Variants in LARS2 observed in about 807,000 individuals in gnomAD.
LARS2 encodes the protein leucine--tRNA ligase, mitochondrial.
Under a neutral mutation model 116.6 loss-of-function variants are expected in LARS2, and 81 were observed. That is an observed-to-expected ratio of 0.69 (90% confidence interval 0.58 to 0.84). LARS2 has a LOEUF of 0.84. LARS2 is among the 40% of genes least tolerant of loss of function. The pLI is 0.00. For missense variants in LARS2, 968 were observed against 1,114.5 expected, an observed-to-expected ratio of 0.87 and a Z score of 1.87; for synonymous variants, 396 against 407.2, an observed-to-expected ratio of 0.97 and a Z score of 0.33.
intron 5 of LARS2, 97 bp downstream of exon 5, chr3:45,417,670 A>C: frequency 1.4e-6 from 1 of 729,526 alleles, no homozygotes; most frequent in Non-Finnish European, 2.4e-6. Flanking sequence ...AGCAAACAAA[A>C]CACTGCAGCG....
At chr3:45,420,451 G>A (rs1698496734) in intron 6 of LARS2, among the ~76,000 whole-genome samples, 1 of 152,126 alleles carries the variant, frequency 6.6e-6, no homozygotes, top group Non-Finnish European at 1.5e-5. Context: ...TCCACAAAAC[G>A]ATTGGGGTTT....
chr3:45,457,221 A>G (rs1328248150), intron 7 of LARS2, among the ~76,000 whole-genome samples: 1 of 152,242 alleles, frequency 6.6e-6, no homozygotes, highest in Non-Finnish European at 1.5e-5. Context: ...ATGGCCAGGA[A>G]GCAGCCAGTG....
Position 45,470,286 on chromosome 3 carries a change from C to T in LARS2, c.751-3957C>T, listed in dbSNP as rs1390297060. On this transcript the variant is annotated intron_variant, in intron 8 of 21. Transcript: ENST00000645846. ...TTTGAAGAGAAAGTCATATTAGCCG[C>T]GTTATATTTAATCCTCTTTTTATCC... Among the ~76,000 whole-genome samples, 6 of 152,112 alleles carry T rather than the reference C, an allele frequency of 3.9e-5. No homozygotes were observed. In the East Asian group the frequency reaches 1.2e-3, roughly 29 times the overall value.
At chr3:45,442,744 C>G (rs1466174516) in intron 6 of LARS2, among the ~76,000 whole-genome samples, 1 of 152,154 alleles carries the variant, frequency 6.6e-6, no homozygotes. Context: ...TGGAGAAGGG[C>G]AACTCACTTA....
At chr3:45,501,685 G>A (rs978316459) in intron 15 of LARS2, among the ~76,000 whole-genome samples, 1 of 152,166 alleles carries the variant, frequency 6.6e-6, no homozygotes, top group African/African-American at 2.4e-5. Flanking sequence ...TCTTTAAAAT[G>A]TGTACCTAAG....
chr3:45,511,708 A>C (rs909348614), intron 15 of LARS2, among the ~76,000 whole-genome samples: 1 of 152,012 alleles, frequency 6.6e-6, no homozygotes, highest in Non-Finnish European at 1.5e-5. Context: ...ACTTGATAAA[A>C]TACAAGACCT....
intron 6 of LARS2, among the ~76,000 whole-genome samples, chr3:45,422,979 T>C (rs1183557330): frequency 1.3e-5 from 2 of 152,228 alleles, no homozygotes; most frequent in Non-Finnish European, 2.9e-5. Flanking sequence ...TCATAACTCG[T>C]ACTTATTTTC....
At position 45,548,402 on chromosome 3, in the gene LARS2, C is replaced by G. The variant is rs780590496; in HGVS notation, c.*872C>G. ...ACCGCAGCCCAGTAGGGATGCAGCA[C>G]GCCCCAGAGGGCTCATGTGGGCCCC... On this transcript the variant is annotated 3_prime_UTR_variant, in exon 22 of 22. Coordinates refer to ENST00000645846, the MANE Select transcript of LARS2 (RefSeq NM_015340.4). 31 of 152,436 alleles carry G rather than the reference C, an allele frequency of 2.0e-4. No homozygotes were observed. The highest frequency in any genetic ancestry group is 3.4e-3 in the Middle Eastern group (1 of 294). The allele number at this position is 152,436 out of a possible 1,614,324, so 9.4% of individuals were successfully genotyped here. A position where few individuals can be genotyped will look rare whatever the true frequency, so the allele number is the denominator to read the frequency against.
intron 20 of LARS2, among the ~76,000 whole-genome samples, chr3:45,529,505 C>T (rs1403041495): frequency 2.7e-5 from 4 of 150,404 alleles, no homozygotes; most frequent in East Asian, 2.0e-4. Context: ...GCTGAGATTG[C>T]GCCATTGCAC....
intron 5 of LARS2, among the ~76,000 whole-genome samples, chr3:45,418,262 G>A (rs746442853): frequency 2.0e-5 from 3 of 152,196 alleles, no homozygotes; most frequent in Admixed American, 6.5e-5. Context: ...GAGACAGAAG[G>A]GCAGTTCCAG....
chr3:45,473,187 C>T (rs145913870), intron 8 of LARS2, among the ~76,000 whole-genome samples: 6 of 152,292 alleles, frequency 3.9e-5, no homozygotes, highest in Admixed American at 3.9e-4. Context: ...TTAAGAGTTG[C>T]AGCCTACACA....
At position 45,517,850 on chromosome 3, in the gene LARS2, A is replaced by G. The variant is rs533122152; in HGVS notation, c.2045-53A>G. On this transcript the variant is annotated intron_variant, in intron 17 of 21. Transcript: ENST00000645846. ...TTCTCTGCTTAGTTATACCAAGTCA[A>G]TCACCCTTATGTTGCACGCTCTCTC... 14 of 1,447,772 alleles carry G rather than the reference A, an allele frequency of 9.7e-6. No individual in the cohort carries two copies. In the African/African-American group the frequency reaches 1.4e-4, roughly 15 times the overall value. The allele number at this position is 1,447,772 out of a possible 1,614,324, so 89.7% of individuals were successfully genotyped here.
At chr3:45,507,159 T>C (rs376068763) in intron 15 of LARS2, among the ~76,000 whole-genome samples, 1 of 151,936 alleles carries the variant, frequency 6.6e-6, no homozygotes, top group African/African-American at 2.4e-5. Flanking sequence ...CACTTTGGGA[T>C]TGCAAGACAG....
chr3:45,448,668 G>C (rs1699061065), intron 7 of LARS2, among the ~76,000 whole-genome samples: 1 of 152,256 alleles, frequency 6.6e-6, no homozygotes, highest in Non-Finnish European at 1.5e-5. Flanking sequence ...TATGGGAAAG[G>C]AAGGGATGGG....
intron 14 of LARS2, 78 bp from the exon 15 acceptor site, chr3:45,500,364 A>G (rs779007316): frequency 3.8e-6 from 5 of 1,329,016 alleles, no homozygotes; most frequent in Non-Finnish European, 4.2e-6. Context: ...GGGCATATGC[A>G]TATTACAATA....
At chr3:45,532,339 T>G (rs1700627439) in intron 20 of LARS2, among the ~76,000 whole-genome samples, 1 of 152,232 alleles carries the variant, frequency 6.6e-6, no homozygotes. Context: ...GTCCAGTTGT[T>G]GAGGTGATGT....
At chr3:45,417,179 CT>C (rs1185240290) in intron 4 of LARS2, among the ~76,000 whole-genome samples, 1 of 151,300 alleles carries the variant, frequency 6.6e-6, no homozygotes, top group Non-Finnish European at 1.5e-5. Flanking sequence ...GAAAGAAACT[CT>C]TTATAATTTC....
chr3:45,498,068 G>C (rs780862369), intron 14 of LARS2, among the ~76,000 whole-genome samples: 2 of 152,212 alleles, frequency 1.3e-5, no homozygotes, highest in Non-Finnish European at 2.9e-5. Flanking sequence ...TCTATAAGGG[G>C]CCATTGGTGC....
intron 7 of LARS2, among the ~76,000 whole-genome samples, chr3:45,454,033 C>A (rs1473400805): frequency 6.6e-6 from 1 of 151,330 alleles, no homozygotes; most frequent in Non-Finnish European, 1.5e-5. Flanking sequence ...GGCAGGGAGG[C>A]AAGGCAAGGA....
Sources: gnomAD v4.1 joint callset for allele counts (sites outside exome capture counted in the v4.1 genomes callset) on GRCh38, gnomAD v4.1.1 for gene constraint, MANE v1.5 for transcripts, NCBI Gene and HGNC (gene_info 2026-07-23, HGNC 2026-07-21) for gene names.